IMPG1: variants seen among roughly 807,000 people sequenced by gnomAD.
The protein encoded by IMPG1 is interphotoreceptor matrix proteoglycan of 150 kDa.
In IMPG1, 85 loss-of-function variants were observed where a neutral mutation model predicts 92.0. The observed-to-expected ratio is 0.92, with a 90% CI of 0.78 to 1.11. IMPG1 has a LOEUF of 1.11. Among genes scored for constraint, IMPG1 ranks in the 50% least tolerant of loss-of-function variants. The pLI, the probability that IMPG1 is intolerant of heterozygous loss-of-function variation, is 0.00. For synonymous variants in IMPG1, 367 were observed against 334.1 expected (o/e 1.10, Z -1.08); for missense variants, 1,022 against 956.0 (o/e 1.07, Z -0.91).
rs942469675 is a variant in IMPG1, at chr6:75,944,720, A to G, written c.2044+2594T>C. The stretch of plus-strand genomic sequence containing the variant: ...TAGTGTAACATTCAGTGGCTTTTGC[A>G]AAGTATCTCCCTTGTAGTTACCATG... On this transcript the variant is annotated intron_variant, in intron 14 of 16. Coordinates refer to ENST00000369950, the MANE Select transcript of IMPG1 (RefSeq NM_001563.4). Among the ~76,000 whole-genome samples, 8 of 152,254 alleles carry G rather than the reference A, an allele frequency of 5.3e-5. 1 individual carries two copies. The highest frequency in any genetic ancestry group is 1.9e-4 in the African/African-American group (8 of 41,462).
chr6:76,049,188 T>C (rs1433512597), intron 1 of IMPG1, among the ~76,000 whole-genome samples: 1 of 152,120 alleles, frequency 6.6e-6, no homozygotes, highest in Non-Finnish European at 1.5e-5. Context: ...CTGGGGCCTA[T>C]CAGAGAGTGG....
chr6:75,962,041 G>A (rs1782219231), intron 12 of IMPG1, among the ~76,000 whole-genome samples: 4 of 152,096 alleles, frequency 2.6e-5, no homozygotes, highest in Non-Finnish European at 5.9e-5. Context: ...TTAAAAACTG[G>A]ATTCATCTCA....
chr6:76,019,279 T>C (rs1783373693), intron 6 of IMPG1, among the ~76,000 whole-genome samples: 1 of 152,130 alleles, frequency 6.6e-6, no homozygotes, highest in Non-Finnish European at 1.5e-5. Context: ...TCATATGGGC[T>C]TCCAGGACAC....
At chr6:76,008,940 T>A (rs961183492) in intron 8 of IMPG1, among the ~76,000 whole-genome samples, 2 of 152,228 alleles carry the variant, frequency 1.3e-5, no homozygotes, top group African/African-American at 4.8e-5. Context: ...TAAATCAGTT[T>A]GCATTTTCTA....
intron 2 of IMPG1, among the ~76,000 whole-genome samples, chr6:76,035,728 G>A (rs1783732598): frequency 6.6e-6 from 1 of 152,132 alleles, no homozygotes; most frequent in Non-Finnish European, 1.5e-5. Flanking sequence ...ACACCTCTTT[G>A]TTAGTACTTC....
chr6:75,947,243 G>T, intron 14 of IMPG1, 71 bp downstream of exon 14: 1 of 1,216,406 alleles, frequency 8.2e-7, no homozygotes, highest in Non-Finnish European at 1.2e-6. Flanking sequence ...TGAAACGTGT[G>T]CTTAAAAACA....
Position 75,931,053 on chromosome 6 carries a change from C to G in IMPG1, c.2143G>C (p.Gly715Arg), listed in dbSNP as rs200730480. The G allele has an allele frequency of 4.6e-5, 75 of 1,614,176 alleles. No homozygotes were observed. Among genetic ancestry groups the G allele is most frequent in the Non-Finnish European group, 6.2e-5 (73 of 1,180,040 alleles). ...TCCAGGCTCCCCTGGCTGTCATATC[C>G]TGGTTTGCAGCGACACTCCGCTTCC... ...TEEAECRCKP[G>R]YDSQGSLDGL... Residue 715 changes from glycine to arginine, a missense_variant, in exon 15 of 17, where the codon GGA (glycine) becomes CGA (arginine). Coordinates refer to ENST00000369950, the MANE Select transcript of IMPG1 (RefSeq NM_001563.4).
chr6:76,021,968 T>C (rs1318443240), intron 6 of IMPG1, 148 bp downstream of exon 6: 4 of 464,278 alleles, frequency 8.6e-6, no homozygotes, highest in South Asian at 3.7e-5. Context: ...GAATAAAGAA[T>C]AGAACAAAGT....
At chr6:76,026,456 C>T (rs968680240) in intron 4 of IMPG1, among the ~76,000 whole-genome samples, 9 of 152,150 alleles carry the variant, frequency 5.9e-5, no homozygotes, top group African/African-American at 1.9e-4. Flanking sequence ...ATGGCCCTTT[C>T]CTTCCATTCT....
chr6:76,059,558 A>C (rs1784171071), intron 1 of IMPG1, among the ~76,000 whole-genome samples: 1 of 152,154 alleles, frequency 6.6e-6, no homozygotes, highest in Admixed American at 6.6e-5. Flanking sequence ...TAGCAGAGGA[A>C]AGTTGGCTTT....
Position 75,930,987 on chromosome 6 carries a change from A to AT in IMPG1, c.2208dup (p.Cys737MetfsTer18). The AT allele has an allele frequency of 1.2e-6, 2 of 1,614,240 alleles. No homozygotes were observed. The highest frequency in any genetic ancestry group is 1.7e-6 in the Non-Finnish European group (2 of 1,180,046). Reference sequence around the variant, plus strand: ...GCTCCCTTTCCCTGGAGGACCTCGCATTCCTTTGTGCCAGGGCCACAGAGG... The same window carrying AT: ...GCTCCCTTTCCCTGGAGGACCTCGCATTTCCTTTGTGCCAGGGCCACAGAGG... On this transcript the variant is annotated frameshift_variant, in exon 15 of 17. Coordinates refer to ENST00000369950, the MANE Select transcript of IMPG1 (RefSeq NM_001563.4). LOFTEE classifies it high-confidence loss of function.
chr6:75,942,473 C>T (rs1182348590), intron 14 of IMPG1, among the ~76,000 whole-genome samples: 1 of 152,154 alleles, frequency 6.6e-6, no homozygotes, highest in Non-Finnish European at 1.5e-5. Flanking sequence ...TGTATCAGCC[C>T]AAGCCTTCTG....
chr6:75,966,958 A>G (rs1009426906), intron 12 of IMPG1, among the ~76,000 whole-genome samples: 5 of 152,186 alleles, frequency 3.3e-5, no homozygotes, highest in Admixed American at 2.6e-4. Context: ...TGGGCAGATC[A>G]TCTGAGGTCA....
chr6:76,020,099 G>C (rs1783391686), intron 6 of IMPG1, among the ~76,000 whole-genome samples: 1 of 152,042 alleles, frequency 6.6e-6, no homozygotes, highest in South Asian at 2.1e-4. Flanking sequence ...CTGTCACCCA[G>C]GCTGGAGTGC....
chr6:75,939,108 G>T (rs1781796798), intron 14 of IMPG1, among the ~76,000 whole-genome samples: 1 of 152,130 alleles, frequency 6.6e-6, no homozygotes, highest in African/African-American at 2.4e-5. Flanking sequence ...CAAAGTGCTG[G>T]GATTACAGGC....
chr6:76,049,363 G>A (rs768988848), intron 1 of IMPG1, among the ~76,000 whole-genome samples: 9 of 152,088 alleles, frequency 5.9e-5, no homozygotes, highest in Non-Finnish European at 1.3e-4. Context: ...AAAAAGATTT[G>A]TCTTTCCCTC....
At chr6:76,022,308 T>A (rs1464359153) in intron 5 of IMPG1, 89 bp from the exon 6 acceptor site, 2 of 632,752 alleles carry the variant, frequency 3.2e-6, no homozygotes, top group African/African-American at 3.8e-5. Context: ...GCTTTTTCTG[T>A]CATTCTGGAA....
At chr6:75,967,236 T>C (rs1458469209) in intron 12 of IMPG1, among the ~76,000 whole-genome samples, 4 of 152,126 alleles carry the variant, frequency 2.6e-5, no homozygotes. Context: ...AAAATGGAAT[T>C]ATCCATGGCA....
intron 15 of IMPG1, among the ~76,000 whole-genome samples, chr6:75,924,493 TATA>T (rs1336975198): frequency 1.0e-5 from 1 of 97,374 alleles, no homozygotes; most frequent in Non-Finnish European, 1.9e-5. Context: ...TATAATATAA[TATA>T]ATTATATAAT....
Sources: allele counts gnomAD v4.1 joint callset (sites outside exome capture counted in the v4.1 genomes callset), GRCh38; gene constraint gnomAD v4.1.1; transcripts MANE v1.5; gene names NCBI Gene and HGNC (gene_info 2026-07-23, HGNC 2026-07-21).